Variants in SPRYD7 observed in about 807,000 individuals in gnomAD.
SPRYD7 encodes the protein SPRY domain-containing protein 7.
In SPRYD7, 14 loss-of-function variants were observed where a neutral mutation model predicts 23.8. The observed-to-expected ratio is 0.59, with a 90% CI of 0.39 to 0.92. The LOEUF (loss-of-function observed/expected upper bound fraction) is 0.92. Among genes scored for constraint, SPRYD7 ranks in the 40% least tolerant of loss-of-function variants. The probability of loss-of-function intolerance (pLI) is 0.00; values close to 1 mark genes in which losing one functional copy is unlikely to be tolerated. For synonymous variants in SPRYD7, 75 were observed against 84.9 expected (o/e 0.88, Z 0.64); for missense variants, 194 against 241.7 (o/e 0.80, Z 1.31).
intron 3 of SPRYD7, among the ~76,000 whole-genome samples, chr13:49,926,732 CT>C (rs200390333): frequency 0.017 from 2,635 of 152,260 alleles, 34 homozygotes; most frequent in Non-Finnish European, 0.027. Context: ...CTGGATTTCT[CT>C]TATCTTTTCA....
chr13:49,919,185 G>A (rs1202454351), intron 4 of SPRYD7, among the ~76,000 whole-genome samples: 12 of 152,012 alleles, frequency 7.9e-5, no homozygotes, highest in Non-Finnish European at 1.5e-4. Context: ...GGGAGGCCGA[G>A]GTGGGCAGAT....
intron 1 of SPRYD7, 72 bp downstream of exon 1, chr13:49,936,058 C>G (rs2138248045): frequency 9.6e-7 from 1 of 1,037,520 alleles, no homozygotes; most frequent in African/African-American, 1.7e-5. Context: ...GACCCTCTGA[C>G]CCTGAAGGTC....
chr13:49,926,551 T>C (rs1488537086), intron 3 of SPRYD7, among the ~76,000 whole-genome samples: 1 of 152,200 alleles, frequency 6.6e-6, no homozygotes, highest in Non-Finnish European at 1.5e-5. Context: ...ATCTCCTTTT[T>C]TTCTTTAGTC....
At chr13:49,933,625 AG>A (rs1871484789) in intron 1 of SPRYD7, among the ~76,000 whole-genome samples, 2 of 151,904 alleles carry the variant, frequency 1.3e-5, no homozygotes, top group Non-Finnish European at 2.9e-5. Context: ...AGAAAAAAAA[AG>A]AAAGAAAGAA....
At chr13:49,926,813 G>T (rs115295000) in intron 3 of SPRYD7, among the ~76,000 whole-genome samples, 1 of 152,078 alleles carries the variant, frequency 6.6e-6, no homozygotes, top group African/African-American at 2.4e-5. Flanking sequence ...AGAACCCAAG[G>T]TTCAGTGTAC....
At chr13:49,931,185 T>C in intron 1 of SPRYD7, 51 bp from the exon 2 acceptor site, 1 of 1,297,492 alleles carries the variant, frequency 7.7e-7, no homozygotes, top group Non-Finnish European at 1.1e-6. Flanking sequence ...TCTTTTCTTT[T>C]CTTTTCTTTT....
intron 3 of SPRYD7, among the ~76,000 whole-genome samples, chr13:49,922,757 A>C (rs1459824389): frequency 6.6e-6 from 1 of 152,176 alleles, no homozygotes; most frequent in East Asian, 1.9e-4. Context: ...AAACCACTTC[A>C]AGGATTTCAG....
At chr13:49,926,513 C>T (rs1430673527) in intron 3 of SPRYD7, among the ~76,000 whole-genome samples, 2 of 152,224 alleles carry the variant, frequency 1.3e-5, no homozygotes, top group East Asian at 3.9e-4. Flanking sequence ...TGGGAAAAAG[C>T]AGATTTTTTT....
In SPRYD7 at chr13:49,915,148, G is replaced by T; in HGVS notation, c.506C>A (p.Ala169Glu). The change falls in exon 5 of 5, where the codon GCA becomes GAA. Residue 169 changes from alanine to glutamate, a missense_variant. By Grantham distance (107) the Ala-to-Glu change is moderately radical. Transcript: ENST00000361840. Reference sequence around the variant, plus strand: ...CTCACTGAACTGGCAATCCAAAATTGCACTGTCATCAACTAAAGGATACAA... The same window carrying T: ...CTCACTGAACTGGCAATCCAAAATTTCACTGTCATCAACTAAAGGATACAA... ...VYPVVYVDDS[A>E]ILDCQFSEFY... The T allele has an allele frequency of 1.3e-6, 2 of 1,556,496 alleles. No homozygotes were observed. The highest frequency in any genetic ancestry group is 1.7e-6 in the Non-Finnish European group (2 of 1,145,492).
chr13:49,936,066 G>T (rs1871610544), intron 1 of SPRYD7, 64 bp downstream of exon 1: 1 of 1,241,766 alleles, frequency 8.1e-7, no homozygotes, highest in Non-Finnish European at 1.1e-6. Context: ...GACCCTGAAG[G>T]TCCCCCTGCC....
chr13:49,922,366 A>C (rs1955831151), intron 3 of SPRYD7, among the ~76,000 whole-genome samples: 1 of 151,144 alleles, frequency 6.6e-6, no homozygotes, highest in Non-Finnish European at 1.5e-5. Context: ...GAAAAGACTT[A>C]GCCCATGTTA....
chr13:49,931,596 A>G (rs554286328), intron 1 of SPRYD7, among the ~76,000 whole-genome samples: 1 of 152,344 alleles, frequency 6.6e-6, no homozygotes, highest in South Asian at 2.1e-4. Context: ...TTAAATATTT[A>G]ATTCACTATT....
intron 2 of SPRYD7, among the ~76,000 whole-genome samples, chr13:49,930,348 G>A (rs906450397): frequency 1.3e-5 from 2 of 151,968 alleles, no homozygotes; most frequent in African/African-American, 2.4e-5. Context: ...TTGGGAGGCC[G>A]ACGAGGGCAG....
At chr13:49,922,042 T>TGA (rs1955827417) in intron 3 of SPRYD7, among the ~76,000 whole-genome samples, 2 of 152,160 alleles carry the variant, frequency 1.3e-5, no homozygotes, top group Admixed American at 6.6e-5. Flanking sequence ...TCTCTATACA[T>TGA]TTTATTTCCA....
rs914937799 is a variant in SPRYD7 at position 49,914,122 on chromosome 13, G to A, written c.*941C>T. 5 of 153,712 alleles carry A rather than the reference G, an allele frequency of 3.3e-5. No homozygotes were observed. The highest frequency in any genetic ancestry group is 9.7e-5 in the African/African-American group (4 of 41,450). The allele number at this position is 153,712 out of a possible 1,614,324, so 9.5% of individuals were successfully genotyped here. On this transcript the variant is annotated 3_prime_UTR_variant, in exon 5 of 5. Coordinates refer to ENST00000361840, the MANE Select transcript of SPRYD7 (RefSeq NM_020456.4). ...GAGTGATTGGTTCAGGTCACAGGGC[G>A]TTAACTAAAGGACAGTGATTCTTAA... is the stretch of plus-strand genomic sequence containing the variant.
chr13:49,930,535 C>A (rs373516607), intron 2 of SPRYD7, among the ~76,000 whole-genome samples: 4 of 151,480 alleles, frequency 2.6e-5, no homozygotes, highest in Admixed American at 2.6e-4. Flanking sequence ...GAGTCAAGAC[C>A]GCGCCACTGC....
intron 4 of SPRYD7, among the ~76,000 whole-genome samples, chr13:49,916,881 T>C (rs1464532559): frequency 6.6e-6 from 1 of 152,130 alleles, no homozygotes. Context: ...GTACCACTTC[T>C]GGGATGAGAT....
chr13:49,935,807 G>C (rs1871598870), intron 1 of SPRYD7: 1 of 220,732 alleles, frequency 4.5e-6, no homozygotes, highest in Non-Finnish European at 8.9e-6. Flanking sequence ...TTTTCACTGG[G>C]GCGCGCCAGA....
chr13:49,933,601 CAAA>C (rs147055694), intron 1 of SPRYD7, among the ~76,000 whole-genome samples: 3 of 94,584 alleles, frequency 3.2e-5, no homozygotes, highest in Non-Finnish European at 2.1e-5. Flanking sequence ...GATTCCCTCT[CAAA>C]AAAAAAAAAA....
Sources: gnomAD v4.1 joint callset for allele counts (sites outside exome capture counted in the v4.1 genomes callset) on GRCh38, gnomAD v4.1.1 for gene constraint, MANE v1.5 for transcripts, NCBI Gene and HGNC (gene_info 2026-07-23, HGNC 2026-07-21) for gene names.